Variants in ACTA2 observed in about 807,000 individuals in gnomAD.
ACTA2 encodes the protein actin alpha 2, smooth muscle.
A neutral mutation model predicts 39.5 loss-of-function variants in ACTA2; 12 were observed. The observed-to-expected ratio is 0.30, with a 90% CI of 0.19 to 0.49. The LOEUF (loss-of-function observed/expected upper bound fraction) is 0.49, where lower values mean the gene tolerates loss of function less well. ACTA2 is among the 20% of genes least tolerant of loss of function. The pLI, the probability that ACTA2 is intolerant of heterozygous loss-of-function variation, is 0.99. For synonymous variants in ACTA2, 158 were observed against 180.6 expected, an observed-to-expected ratio of 0.88 and a Z score of 1.00; for missense variants, 236 against 498.8, an observed-to-expected ratio of 0.47 and a Z score of 5.02.
chr10:88,935,443 G>T, intron 8 of ACTA2, 77 bp from the exon 9 acceptor site: 5 of 1,519,342 alleles, frequency 3.3e-6, no homozygotes, highest in Non-Finnish European at 4.6e-6. Context: ...ACAGAGCCTG[G>T]ATGTTCTACC....
Position 88,947,167 on chromosome 10 carries a change from G to A in ACTA2, c.258+91C>T. On this transcript the variant is annotated intron_variant, in intron 3 of 8. Coordinates refer to ENST00000224784, the MANE Select transcript of ACTA2 (RefSeq NM_001613.4). ...AAGTACAGTTGAGCAATGTGAGCCA[G>A]TTATTTCCCCAGCAGTAGTGTGGTG... 4 of 1,551,396 alleles carry A rather than the reference G, an allele frequency of 2.6e-6. No individual in the cohort carries two copies. In the South Asian group the frequency reaches 4.6e-5, roughly 18 times the overall value.
intron 8 of ACTA2, among the ~76,000 whole-genome samples, chr10:88,936,723 T>A (rs905002295): frequency 6.6e-6 from 1 of 152,166 alleles, no homozygotes; most frequent in Non-Finnish European, 1.5e-5. Flanking sequence ...GTGAGCCAGT[T>A]AAACCTCTTT....
chr10:88,970,366 A>G (rs1341601303), intron 1 of ACTA2, among the ~76,000 whole-genome samples: 1 of 151,994 alleles, frequency 6.6e-6, no homozygotes, highest in Non-Finnish European at 1.5e-5. Context: ...TTCCTTTTGA[A>G]TGCAGCAAAT....
At chr10:88,986,971 T>C (rs770355790) in intron 1 of ACTA2, among the ~76,000 whole-genome samples, 1 of 152,238 alleles carries the variant, frequency 6.6e-6, no homozygotes, top group Non-Finnish European at 1.5e-5. Context: ...CTGTAGGAAA[T>C]AATATGTTCT....
upstream of ACTA2, among the ~76,000 whole-genome samples, chr10:88,957,748 T>C (rs1846160941): frequency 1.3e-5 from 2 of 151,980 alleles, no homozygotes; most frequent in Non-Finnish European, 1.5e-5. Flanking sequence ...AGTATCCCCT[T>C]CCCCTAGGAA....
At chr10:88,957,188 T>A (rs1846151235), upstream of ACTA2, among the ~76,000 whole-genome samples, 1 of 152,202 alleles carries the variant, frequency 6.6e-6, no homozygotes, top group Non-Finnish European at 1.5e-5. Context: ...GAAAGTGGAA[T>A]AAACTTGTAT....
At chr10:88,956,767 G>C (rs1846145343), upstream of ACTA2, among the ~76,000 whole-genome samples, 1 of 152,206 alleles carries the variant, frequency 6.6e-6, no homozygotes, top group Non-Finnish European at 1.5e-5. Flanking sequence ...ACCTTAGACT[G>C]TTTGTGCTGC....
intron 1 of ACTA2, 53 bp downstream of exon 1, chr10:88,952,678 T>C (rs1193045894): frequency 6.6e-6 from 1 of 152,204 alleles, no homozygotes; most frequent in Non-Finnish European, 1.5e-5. Context: ...TACCGGGTAA[T>C]TAAAAGAGCC....
At chr10:88,967,027 A>C (rs371573783) in intron 1 of ACTA2, among the ~76,000 whole-genome samples, 1 of 152,234 alleles carries the variant, frequency 6.6e-6, no homozygotes, top group Non-Finnish European at 1.5e-5. Context: ...CTGGGAGTTT[A>C]TACAACACTT....
intron 6 of ACTA2, chr10:88,940,077 G>C (rs1457330129): frequency 6.9e-6 from 2 of 288,370 alleles, no homozygotes; most frequent in African/African-American, 4.4e-5. Flanking sequence ...TTGTTATATT[G>C]TATTTTCAGT....
At position 88,941,320 on chromosome 10, in the gene ACTA2, A is replaced by G; in HGVS notation, c.525T>C (p.His175=). The stretch of plus-strand genomic sequence containing the variant: ...CAGCCAGATCCAGACGCATGATGGC[A>G]TGGGGCAAGGCATAGCCCTCATAGA... The part of the protein sequence containing the change: ...VPIYEGYALP[H]AIMRLDLAGR... The change falls in exon 6 of 9, where the codon CAT becomes CAC. Residue 175 remains histidine (H), a synonymous_variant. Transcript: ENST00000224784. 2 of 1,613,846 alleles carry G rather than the reference A, an allele frequency of 1.2e-6. No homozygotes were observed. The highest frequency in any genetic ancestry group is 1.7e-6 in the Non-Finnish European group (2 of 1,179,916).
chr10:88,974,216 G>A (rs569480960), intron 1 of ACTA2: 7 of 151,644 alleles, frequency 4.6e-5, no homozygotes, highest in South Asian at 4.2e-4. Context: ...CCTGACTAAC[G>A]TGGGTGGAAT....
chr10:88,985,667 T>C (rs527705311), intron 1 of ACTA2, among the ~76,000 whole-genome samples: 10 of 152,316 alleles, frequency 6.6e-5, no homozygotes, highest in South Asian at 2.1e-4. Context: ...TCCCACTCCC[T>C]GGCACTAGAT....
chr10:88,959,771 CAA>C (rs1159992512), intron 1 of ACTA2, among the ~76,000 whole-genome samples: 1 of 152,150 alleles, frequency 6.6e-6, no homozygotes, highest in Non-Finnish European at 1.5e-5. Flanking sequence ...GCATTTAAGT[CAA>C]GTCTCTTTAG....
intron 8 of ACTA2, 138 bp downstream of exon 8, chr10:88,937,923 T>C (rs1845772729): frequency 1.0e-5 from 9 of 898,554 alleles, no homozygotes; most frequent in Non-Finnish European, 1.2e-5. Flanking sequence ...CTGTAAAATA[T>C]GAGATTTGTG....
At chr10:88,989,606 C>T (rs1235560251) in intron 1 of ACTA2, 3 of 536,330 alleles carry the variant, frequency 5.6e-6, no homozygotes, top group Admixed American at 1.9e-5. Flanking sequence ...ATGCAAAACA[C>T]AGGGTGATGG....
chr10:88,937,992 GTTC>G (rs1845774636), intron 8 of ACTA2, 66 bp downstream of exon 8: 1 of 1,574,624 alleles, frequency 6.4e-7, no homozygotes, highest in Non-Finnish European at 8.7e-7. Flanking sequence ...TCTCTGAAGA[GTTC>G]TTATCTGTGG....
At chr10:88,951,727 C>G (rs1185969178) in intron 1 of ACTA2, among the ~76,000 whole-genome samples, 1 of 152,128 alleles carries the variant, frequency 6.6e-6, no homozygotes, top group Non-Finnish European at 1.5e-5. Flanking sequence ...GGGATTTGCT[C>G]CAACTGACTA....
chr10:88,949,415 A>C (rs1846010932), intron 1 of ACTA2, among the ~76,000 whole-genome samples: 1 of 152,194 alleles, frequency 6.6e-6, no homozygotes. Flanking sequence ...AAATTTTTTC[A>C]AAAAGCTAGA....
Sources: allele counts gnomAD v4.1 joint callset (sites outside exome capture counted in the v4.1 genomes callset), GRCh38; gene constraint gnomAD v4.1.1; transcripts MANE v1.5; gene names NCBI Gene and HGNC (gene_info 2026-07-23, HGNC 2026-07-21).